Variants in DNM3 observed in about 807,000 individuals in gnomAD.
DNM3 encodes the protein dynamin 3, also known as dynamin-3.
DNM3 carries 47 observed loss-of-function variants against 101.6 expected under a neutral mutation model. The ratio of observed to expected loss-of-function variants is 0.46; its 90% CI spans 0.37 to 0.59. The LOEUF (loss-of-function observed/expected upper bound fraction) is 0.59, where lower values mean the gene tolerates loss of function less well. DNM3 is among the 20% of genes least tolerant of loss of function. The pLI, the probability that DNM3 is intolerant of heterozygous loss-of-function variation, is 0.00. For synonymous variants in DNM3, 385 were observed against 387.9 expected, an observed-to-expected ratio of 0.99 and a Z score of 0.09; for missense variants, 849 against 1,085.7, an observed-to-expected ratio of 0.78 and a Z score of 3.06.
intron 17 of DNM3, among the ~76,000 whole-genome samples, chr1:172,345,506 G>A (rs1029430269): frequency 6.6e-6 from 1 of 152,086 alleles, no homozygotes; most frequent in Non-Finnish European, 1.5e-5. Context: ...TTATTGATGT[G>A]AAGTCAAAAA....
intron 17 of DNM3, among the ~76,000 whole-genome samples, chr1:172,350,775 G>A (rs1185736099): frequency 3.3e-5 from 5 of 152,168 alleles, no homozygotes; most frequent in Non-Finnish European, 7.3e-5. Flanking sequence ...GCAGGCAGCT[G>A]TTAACAGCAT....
intron 15 of DNM3, among the ~76,000 whole-genome samples, chr1:172,259,116 G>C (rs2062540234): frequency 1.3e-5 from 2 of 151,716 alleles, no homozygotes; most frequent in African/African-American, 4.8e-5. Flanking sequence ...AAAGATACTT[G>C]ATATGATTTT....
chr1:172,081,037 A>C (rs1427735355), intron 11 of DNM3, among the ~76,000 whole-genome samples: 1 of 147,338 alleles, frequency 6.8e-6, no homozygotes, highest in Non-Finnish European at 1.5e-5. Context: ...TGTTGATCTC[A>C]CTGGGAGCTG....
chr1:172,364,599 C>A (rs2901635), intron 17 of DNM3, among the ~76,000 whole-genome samples: 145,974 of 151,850 alleles, frequency 0.96, 70,223 homozygotes, highest in East Asian at 1. Context: ...ATTAAAATAG[C>A]CATAACAGAA....
downstream of DNM3, among the ~76,000 whole-genome samples, chr1:172,413,613 G>A (rs2149141929): frequency 6.6e-6 from 1 of 152,308 alleles, no homozygotes; most frequent in East Asian, 1.9e-4. Flanking sequence ...GAGAATAGAG[G>A]AAGACTCTCT....
At chr1:171,867,448 C>G (rs1335813364) in intron 1 of DNM3, among the ~76,000 whole-genome samples, 1 of 152,180 alleles carries the variant, frequency 6.6e-6, no homozygotes, top group Admixed American at 6.5e-5. Flanking sequence ...GGCTGCATCC[C>G]TGGTTTATCC....
chr1:172,313,197 T>A (rs746618556), intron 16 of DNM3, among the ~76,000 whole-genome samples: 145 of 152,374 alleles, frequency 9.5e-4, no homozygotes, highest in Non-Finnish European at 1.9e-3. Flanking sequence ...TCATTAAATA[T>A]GTAGGACTTT....
intron 12 of DNM3, among the ~76,000 whole-genome samples, chr1:172,084,626 GT>G (rs1344502648): frequency 6.6e-6 from 1 of 152,090 alleles, no homozygotes; most frequent in Non-Finnish European, 1.5e-5. Context: ...AAAAAATATG[GT>G]TGTAGCTATA....
At chr1:172,302,384 C>T (rs2064506566) in intron 15 of DNM3, among the ~76,000 whole-genome samples, 1 of 152,244 alleles carries the variant, frequency 6.6e-6, no homozygotes. Context: ...GAAGTGGGCG[C>T]AGCCCACTGC....
chr1:172,046,136 C>A (rs1402442304), intron 9 of DNM3, among the ~76,000 whole-genome samples: 1 of 152,018 alleles, frequency 6.6e-6, no homozygotes, highest in Non-Finnish European at 1.5e-5. Flanking sequence ...TTCACAATAG[C>A]AAAGACTTGG....
chr1:172,383,535 G>A (rs906405639), intron 18 of DNM3, among the ~76,000 whole-genome samples: 1 of 152,064 alleles, frequency 6.6e-6, no homozygotes, highest in Non-Finnish European at 1.5e-5. Flanking sequence ...AGGCATCACC[G>A]TGTTCCGTAC....
chr1:172,294,080 G>C (rs59207214), intron 15 of DNM3, among the ~76,000 whole-genome samples: 1 of 152,160 alleles, frequency 6.6e-6, no homozygotes, highest in Non-Finnish European at 1.5e-5. Context: ...ATAGCTAAAA[G>C]CTATGGTAGA....
chr1:172,363,701 A>C (rs9425577), intron 17 of DNM3, among the ~76,000 whole-genome samples: 2,338 of 151,952 alleles, frequency 0.015, 51 homozygotes, highest in African/African-American at 0.053. Context: ...GTGACCTTTC[A>C]AGCCCACCAC....
intron 19 of DNM3, among the ~76,000 whole-genome samples, chr1:172,388,252 G>C (rs143792917): frequency 6.6e-6 from 1 of 151,966 alleles, no homozygotes; most frequent in African/African-American, 2.4e-5. Flanking sequence ...AAAAAAGGAG[G>C]TTGTAGAAGA....
chr1:172,323,464 T>C (rs759751073), intron 17 of DNM3, 124 bp downstream of exon 17: 55 of 1,186,372 alleles, frequency 4.6e-5, no homozygotes, highest in Non-Finnish European at 6.0e-5. Context: ...GCACGAATTA[T>C]ATGGGGTGTG....
intron 1 of DNM3, among the ~76,000 whole-genome samples, chr1:171,863,200 C>T (rs1484334933): frequency 2.0e-5 from 3 of 151,844 alleles, no homozygotes; most frequent in Non-Finnish European, 2.9e-5. Flanking sequence ...TGACAAAGTA[C>T]AGAAAAGCAG....
intron 15 of DNM3, among the ~76,000 whole-genome samples, chr1:172,288,033 T>C (rs1249678832): frequency 6.6e-6 from 1 of 152,142 alleles, no homozygotes; most frequent in Admixed American, 6.5e-5. Context: ...AATTCAACCA[T>C]TGGCGAACAC....
chr1:171,930,090 G>T (rs919445666), intron 2 of DNM3, among the ~76,000 whole-genome samples: 1 of 151,950 alleles, frequency 6.6e-6, no homozygotes, highest in Admixed American at 6.5e-5. Context: ...CAGGGACCAG[G>T]TTGCTTAGAA....
At chr1:171,856,106 C>G (rs1171516629) in intron 1 of DNM3, among the ~76,000 whole-genome samples, 3 of 152,172 alleles carry the variant, frequency 2.0e-5, no homozygotes, top group Non-Finnish European at 4.4e-5. Context: ...TATCCCAGCA[C>G]TATTTATTGA....
Sources: gnomAD v4.1 joint callset for allele counts (sites outside exome capture counted in the v4.1 genomes callset) on GRCh38, gnomAD v4.1.1 for gene constraint, MANE v1.5 for transcripts, NCBI Gene and HGNC (gene_info 2026-07-23, HGNC 2026-07-21) for gene names.